The following SEC63 variants were observed in gnomAD, a reference collection of about 807,000 sequenced individuals.
SEC63 encodes translocation protein SEC63 homolog.
Under a neutral mutation model 116.2 loss-of-function variants are expected in SEC63, and 56 were observed. That is an observed-to-expected ratio of 0.48 (90% CI 0.39 to 0.60). The LOEUF (loss-of-function observed/expected upper bound fraction) is 0.60. Ranked by LOEUF, SEC63 falls within the 20% of genes least tolerant of loss-of-function variation. The pLI, the probability that SEC63 is intolerant of heterozygous loss-of-function variation, is 0.00. For synonymous variants in SEC63, 273 were observed against 294.6 expected (o/e 0.93, Z 0.75); for missense variants, 668 against 900.0 (o/e 0.74, Z 3.30).
intron 1 of SEC63, among the ~76,000 whole-genome samples, chr6:107,937,911 C>T (rs1479683895): frequency 6.6e-6 from 1 of 152,092 alleles, no homozygotes; most frequent in African/African-American, 2.4e-5. Context: ...TGTTTAAGTT[C>T]CCTATACATT....
intron 4 of SEC63, among the ~76,000 whole-genome samples, chr6:107,916,546 C>T (rs963878680): frequency 2.6e-5 from 4 of 152,144 alleles, no homozygotes; most frequent in African/African-American, 9.7e-5. Context: ...TGCAAGCAAA[C>T]TTCTTATTGC....
Position 107,958,187 on chromosome 6 carries a change from C to T in SEC63, c.-178G>A, listed in dbSNP as rs1477878948. On this transcript the variant is annotated 5_prime_UTR_variant, in exon 1 of 21. Transcript: ENST00000369002. ...GCCGCCACCTCTGCCGCTGCCGCCG[C>T]CGTCGCCAGCTCTCGCGAGAGGAGA... 6.7e-6 allele frequency: 6 copies of T among 899,434 alleles called. No individual in the cohort carries two copies. Among genetic ancestry groups the T allele is most frequent in the Non-Finnish European group, 1.0e-5 (6 of 586,412 alleles). 55.7% of individuals were successfully genotyped at this position (899,434 alleles called of 1,614,324 possible). A position where few individuals can be genotyped will look rare whatever the true frequency, so the allele number is the denominator to read the frequency against.
At position 107,901,454 on chromosome 6, in the gene SEC63, G is replaced by A; in HGVS notation, c.1273C>T (p.His425Tyr). ...TCATATTTTTCATCTTCAAGGAAGT[G>A]CAGTAGAGTGTGACGATCTGATTCT... Reference protein sequence around the residue: ...LKESDRHTLLHFLEDEKYEEV... With the variant: ...LKESDRHTLLYFLEDEKYEEV... The change falls in exon 13 of 21, where the codon CAC (histidine) becomes TAC (tyrosine). Residue 425 changes from histidine to tyrosine, a missense_variant. Transcript: ENST00000369002. The A allele has an allele frequency of 6.2e-7, 1 of 1,610,648 alleles. No individual in the cohort carries two copies. The highest frequency in any genetic ancestry group is 8.5e-7 in the Non-Finnish European group (1 of 1,177,188).
chr6:107,894,039 A>G (rs1264688331), intron 14 of SEC63, 142 bp from the exon 15 acceptor site: 1 of 844,586 alleles, frequency 1.2e-6, no homozygotes. Context: ...TTTAGCAATT[A>G]CTAGCTGATG....
chr6:107,942,195 C>T lies in SEC63; in HGVS notation c.125-12681G>A, dbSNP rs201224403. Among the ~76,000 whole-genome samples, 16 of 152,182 alleles carry T rather than the reference C, an allele frequency of 1.1e-4. No individual in the cohort carries two copies. In the East Asian group the frequency reaches 2.7e-3, roughly 26 times the overall value. ...AGAACACTCTATCCTTAGAACACAG[C>T]CCCAGAAGTATAATTACTAGGTTTA... On this transcript the variant is annotated intron_variant, in intron 1 of 20. Coordinates refer to ENST00000369002, the MANE Select transcript of SEC63 (RefSeq NM_007214.5).
chr6:107,933,982 C>T (rs1024551529), intron 1 of SEC63, among the ~76,000 whole-genome samples: 8 of 152,350 alleles, frequency 5.3e-5, no homozygotes, highest in Non-Finnish European at 1.0e-4. Flanking sequence ...CTCGGCCTCC[C>T]GAGGTGCCGG....
At chr6:107,911,282 G>C (rs974665078) in intron 7 of SEC63, 64 bp downstream of exon 7, 5 of 1,053,948 alleles carry the variant, frequency 4.7e-6, no homozygotes, top group African/African-American at 4.7e-5. Context: ...ATGTTATAGG[G>C]AGACTCCAAA....
In SEC63 at chr6:107,903,057, A is replaced by G. The variant is rs754701452; in HGVS notation, c.1055-59T>C. On this transcript the variant is annotated intron_variant, in intron 11 of 20. Coordinates refer to ENST00000369002, the MANE Select transcript of SEC63 (RefSeq NM_007214.5). ...GGACTTTTTACATGTTCAGGAGTAT[A>G]CAATTCATCACAAAAACAAAATTCA... 1.4e-5 allele frequency: 22 copies of G among 1,560,680 alleles called. No individual in the cohort carries two copies. In the East Asian group the frequency reaches 4.9e-4, roughly 35 times the overall value.
At chr6:107,922,002 A>G in intron 3 of SEC63, 93 bp from the exon 4 acceptor site, 1 of 730,776 alleles carries the variant, frequency 1.4e-6, no homozygotes. Context: ...TGAACTTAAA[A>G]TATGAACTAC....
intron 16 of SEC63, among the ~76,000 whole-genome samples, chr6:107,890,470 G>A (rs530115712): frequency 2.2e-4 from 33 of 152,130 alleles, no homozygotes; most frequent in Middle Eastern, 3.4e-3. Context: ...GTCTTTTCAC[G>A]TGAGATGGGT....
chr6:107,935,984 T>G (rs1770237597), intron 1 of SEC63, among the ~76,000 whole-genome samples: 1 of 152,208 alleles, frequency 6.6e-6, no homozygotes, highest in Non-Finnish European at 1.5e-5. Flanking sequence ...ATACCACTAG[T>G]GATTTTTAAA....
intron 1 of SEC63, among the ~76,000 whole-genome samples, chr6:107,953,842 T>C (rs1267495300): frequency 8.4e-6 from 1 of 118,724 alleles, no homozygotes; most frequent in Admixed American, 8.0e-5. Flanking sequence ...GGGAGGGAGG[T>C]GGGGGGGTCA....
chr6:107,904,507 TGAA>T (rs1787095465), intron 11 of SEC63, 119 bp downstream of exon 11: 2 of 745,928 alleles, frequency 2.7e-6, no homozygotes, highest in Non-Finnish European at 4.7e-6. Context: ...TGAGTAAAAT[TGAA>T]GAAGCTCACT....
intron 18 of SEC63, among the ~76,000 whole-genome samples, chr6:107,877,997 A>G (rs1384600702): frequency 1.3e-5 from 2 of 152,238 alleles, no homozygotes; most frequent in African/African-American, 4.8e-5. Context: ...GCATATTTGT[A>G]TACATAACAT....
chr6:107,897,921 T>A (rs978085847), intron 13 of SEC63, among the ~76,000 whole-genome samples, 190 bp from the exon 14 acceptor site: 3 of 152,194 alleles, frequency 2.0e-5, no homozygotes, highest in African/African-American at 7.2e-5. Context: ...CTTTTAACAA[T>A]TAATTCATTT....
Position 107,877,649 on chromosome 6 carries a change from C to T in SEC63, c.1936-987G>A, listed in dbSNP as rs558344790. ...AGAAACAAGATTTCATTTATGTTGC[C>T]CTGGCTGGTCTTGAACTCCTGGGCT... On this transcript the variant is annotated intron_variant, in intron 18 of 20. Transcript: ENST00000369002. Among the ~76,000 whole-genome samples the T allele has an allele frequency of 2.0e-5, 3 of 152,150 alleles. No individual in the cohort carries two copies. In the South Asian group the frequency reaches 6.2e-4, roughly 32 times the overall value.
chr6:107,880,999 A>G, intron 18 of SEC63, 150 bp downstream of exon 18: 1 of 655,256 alleles, frequency 1.5e-6, no homozygotes, highest in Admixed American at 2.4e-5. Context: ...ACCTATTGTA[A>G]TATTCCCTTT....
chr6:107,873,959 G>C (rs1786193347), intron 19 of SEC63, among the ~76,000 whole-genome samples: 1 of 152,086 alleles, frequency 6.6e-6, no homozygotes, highest in African/African-American at 2.4e-5. Flanking sequence ...ATTCAGAAAA[G>C]AATCATCAAC....
In SEC63 at chr6:107,924,921, A is replaced by G. The variant is rs1201838045; in HGVS notation, c.236T>C (p.Leu79Pro). 1 of 1,581,754 alleles carries G rather than the reference A, an allele frequency of 6.3e-7. No homozygotes were observed. Among genetic ancestry groups the G allele is most frequent in the African/African-American group, 1.3e-5 (1 of 74,246 alleles). ...TAAGAACAATGCCCATCCTGCAAGC[A>G]GAACTATTTTCCTGTTTAGGAAAAA... ...NIIPTVKKIV[L>P]LAGWALFLFL... The change falls in exon 3 of 21, where the codon CTG (leucine) becomes CCG (proline). Residue 79 changes from leucine (L) to proline (P), a missense_variant. Leu to Pro is a moderately conservative substitution (Grantham distance 98). This residue lies in a region of SEC63 where 142 missense variants were observed against 169.5 expected (regional missense o/e 0.84). Transcript: ENST00000369002.
Sources: allele counts gnomAD v4.1 joint callset (sites outside exome capture counted in the v4.1 genomes callset), GRCh38; gene constraint gnomAD v4.1.1; regional missense constraint gnomAD v4.1.1; transcripts MANE v1.5; gene names NCBI Gene and HGNC (gene_info 2026-07-23, HGNC 2026-07-21).